PHIP: variants seen among roughly 807,000 people sequenced by gnomAD.
PHIP encodes PH-interacting protein.
A neutral mutation model predicts 236.8 loss-of-function variants in PHIP; 54 were observed. The observed-to-expected ratio is 0.23, with a 90% CI of 0.18 to 0.29. The LOEUF is 0.29. Among genes scored for constraint, PHIP ranks in the 10% least tolerant of loss-of-function variants. The pLI is 1.00. For missense variants in PHIP, 1,370 were observed against 2,190.8 expected (o/e 0.63, Z 7.48); for synonymous variants, 756 against 718.9 (o/e 1.05, Z -0.83).
intron 4 of PHIP, among the ~76,000 whole-genome samples, chr6:79,073,125 C>T (rs571844957): frequency 6.6e-6 from 1 of 152,088 alleles, no homozygotes; most frequent in Non-Finnish European, 1.5e-5. Context: ...ATGCTCATGC[C>T]GCTTTACAAC....
In PHIP at chr6:79,051,103, T is replaced by C. The variant is rs190302507; in HGVS notation, c.440-8100A>G. 6.3e-4 allele frequency among the ~76,000 whole-genome samples: 96 copies of C among 152,262 alleles called. 1 individual carries two copies. In the South Asian group the frequency reaches 8.1e-3, roughly 13 times the overall value. ...AGAGCCACAATGGAAAGACCTGTTA[T>C]TAACACGGGTATCAAGGAAGTAATG... On this transcript the variant is annotated intron_variant, in intron 6 of 39. Transcript: ENST00000275034.
intron 15 of PHIP, among the ~76,000 whole-genome samples, chr6:79,012,423 A>C (rs1770630476): frequency 6.6e-6 from 1 of 151,686 alleles, no homozygotes; most frequent in Admixed American, 6.6e-5. Context: ...TTAATCTTAA[A>C]AATACTTCAC....
intron 7 of PHIP, among the ~76,000 whole-genome samples, chr6:79,031,514 A>ATACATTTCCTTATTTACTT: frequency 2.0e-5 from 3 of 152,236 alleles, no homozygotes; most frequent in East Asian, 3.8e-4. Context: ...GATATTATTT[A>ATACATTTCCTTATTTACTT]TGAGAAAGTG....
At chr6:79,059,415 G>A (rs1267856084) in intron 6 of PHIP, among the ~76,000 whole-genome samples, 4 of 151,448 alleles carry the variant, frequency 2.6e-5, no homozygotes, top group Non-Finnish European at 4.4e-5. Context: ...GAGAAAAAGG[G>A]ATTGCCTTCA....
Position 79,075,383 on chromosome 6 carries a change from A to G in PHIP, c.189+2065T>C, listed in dbSNP as rs555099827. ...TCAAAGAACTCCAAGTTCTAATAAG[A>G]TTTCTAAACTGTCTGATGAGTATGC... On this transcript the variant is annotated intron_variant, in intron 4 of 39. Transcript: ENST00000275034. Among the ~76,000 whole-genome samples the G allele has an allele frequency of 7.2e-5, 11 of 152,268 alleles. No individual in the cohort carries two copies. The East Asian group carries it at 1.5e-3, about 21-fold the overall frequency.
Position 79,019,097 on chromosome 6 carries a change from AAAG to A in PHIP, c.983_985del (p.Ser328del). 1 of 1,611,896 alleles carries A rather than the reference AAAG, an allele frequency of 6.2e-7. No individual in the cohort carries two copies. ...GAATGAGGGAAACTTACCAGCACTA[AAAG>A]AAGAACAGATCATTTGAACTCCAGG... On this transcript the variant is annotated inframe_deletion, in exon 10 of 40. Coordinates refer to ENST00000275034, the MANE Select transcript of PHIP (RefSeq NM_017934.7).
chr6:78,986,739 G>C (rs1226718867), intron 21 of PHIP, among the ~76,000 whole-genome samples: 2 of 152,086 alleles, frequency 1.3e-5, no homozygotes, highest in Non-Finnish European at 2.9e-5. Flanking sequence ...TTCCCATTTT[G>C]ATGTTTTAAT....
chr6:78,959,812 C>T (rs994128147), intron 31 of PHIP, among the ~76,000 whole-genome samples: 5 of 152,102 alleles, frequency 3.3e-5, no homozygotes, highest in Admixed American at 1.3e-4. Flanking sequence ...CCTCAACTAA[C>T]GATGGTGTTA....
At chr6:78,997,683 T>C in intron 18 of PHIP, 86 bp from the exon 19 acceptor site, 1 of 1,055,650 alleles carries the variant, frequency 9.5e-7, no homozygotes, top group South Asian at 1.7e-5. Flanking sequence ...AAACACTATC[T>C]TCCATAAGAA....
At chr6:79,020,919 G>T (rs1021515529) in intron 9 of PHIP, among the ~76,000 whole-genome samples, 61 of 152,188 alleles carry the variant, frequency 4.0e-4, no homozygotes, top group African/African-American at 1.4e-3. Flanking sequence ...ATATTTTAAA[G>T]TATTAAATTA....
rs755581829 is a variant in PHIP at position 79,019,166 on chromosome 6, T to C, written c.924-7A>G. 3.1e-5 allele frequency: 50 copies of C among 1,599,602 alleles called. No individual in the cohort carries two copies. In the Admixed American group the frequency reaches 8.2e-4, roughly 26 times the overall value. ...AAATTTTGCAGGTCTTGGGCTGTAA[T>C]ACAAAAAATAAAGAATTAAAAATAT... On this transcript the variant is annotated splice_region_variant and splice_polypyrimidine_tract_variant and intron_variant, in intron 9 of 39. Coordinates refer to ENST00000275034, the MANE Select transcript of PHIP (RefSeq NM_017934.7).
Position 79,078,176 on chromosome 6 carries a change from G to GC in PHIP, c.-109dup. 9.1e-7 allele frequency: 1 copy of GC among 1,103,498 alleles called. No homozygotes were observed. The highest frequency in any genetic ancestry group is 1.3e-6 in the Non-Finnish European group (1 of 763,398). 68.4% of individuals were successfully genotyped at this position (1,103,498 alleles called of 1,614,324 possible). On this transcript the variant is annotated 5_prime_UTR_variant, in exon 1 of 40. It removes the in-frame stop codon of an upstream open reading frame in the 5' UTR. Coordinates refer to ENST00000275034, the MANE Select transcript of PHIP (RefSeq NM_017934.7). ...CTGTCAGTGTGTGTTCACGAGCCGA[G>GC]CTTCGGCTCCACCATTCAAGCAACG...
intron 31 of PHIP, among the ~76,000 whole-genome samples, chr6:78,958,877 G>C (rs911509391): frequency 1.3e-5 from 2 of 152,060 alleles, no homozygotes; most frequent in Non-Finnish European, 2.9e-5. Flanking sequence ...TCTATATGGG[G>C]AGTGGCAGGA....
In PHIP at chr6:79,017,591, GAAT is replaced by G; in HGVS notation, c.995-11_995-9del. On this transcript the variant is annotated splice_polypyrimidine_tract_variant and intron_variant, in intron 10 of 39. Coordinates refer to ENST00000275034, the MANE Select transcript of PHIP (RefSeq NM_017934.7). Reference sequence around the variant, plus strand: ...TCGCCAGAAACATTCCACCTATGAAGAATAACAGCAATTGTTAAGAAGTAAAAC... The same window carrying G: ...TCGCCAGAAACATTCCACCTATGAAGAACAGCAATTGTTAAGAAGTAAAAC... The G allele has an allele frequency of 6.3e-7, 1 of 1,583,346 alleles. No individual in the cohort carries two copies. The highest frequency in any genetic ancestry group is 8.7e-7 in the Non-Finnish European group (1 of 1,154,140).
intron 27 of PHIP, among the ~76,000 whole-genome samples, chr6:78,966,701 T>A (rs1767160600): frequency 6.6e-6 from 1 of 152,242 alleles, no homozygotes; most frequent in South Asian, 2.1e-4. Flanking sequence ...CCCAAAGACC[T>A]GAACAAGCTA....
chr6:79,058,171 G>T (rs1258177335), intron 6 of PHIP, among the ~76,000 whole-genome samples: 1 of 151,964 alleles, frequency 6.6e-6, no homozygotes, highest in Non-Finnish European at 1.5e-5. Context: ...TTTCAGAAAG[G>T]TACATCAATC....
intron 6 of PHIP, among the ~76,000 whole-genome samples, chr6:79,045,895 C>T (rs1772459903): frequency 6.6e-6 from 1 of 152,094 alleles, no homozygotes; most frequent in African/African-American, 2.4e-5. Context: ...CTTCCCAAAG[C>T]AAATCTGTTC....
chr6:79,050,906 T>C (rs1220940701), intron 6 of PHIP, among the ~76,000 whole-genome samples: 1 of 152,194 alleles, frequency 6.6e-6, no homozygotes, highest in Non-Finnish European at 1.5e-5. Context: ...TCAGTTTTGA[T>C]TTGAAAGCTG....
chr6:79,028,483 T>C (rs1380419194), intron 7 of PHIP, among the ~76,000 whole-genome samples: 2 of 152,176 alleles, frequency 1.3e-5, no homozygotes, highest in African/African-American at 2.4e-5. Flanking sequence ...ACATCACTGA[T>C]TATCTGTTGG....
Sources: allele counts gnomAD v4.1 joint callset (sites outside exome capture counted in the v4.1 genomes callset), GRCh38; gene constraint gnomAD v4.1.1; transcripts MANE v1.5; gene names NCBI Gene and HGNC (gene_info 2026-07-23, HGNC 2026-07-21).